The following RGS6 variants were observed in gnomAD, a reference collection of about 807,000 sequenced individuals.
RGS6 encodes the protein regulator of G-protein signaling 6.
Under a neutral mutation model 78.5 loss-of-function variants are expected in RGS6, and 30 were observed. The ratio of observed to expected loss-of-function variants is 0.38; its 90% CI spans 0.29 to 0.52. The LOEUF is 0.52. RGS6 is among the 20% of genes least tolerant of loss of function. The probability of loss-of-function intolerance (pLI) is 0.85; values close to 1 mark genes in which losing one functional copy is unlikely to be tolerated. For synonymous variants in RGS6, 206 were observed against 206.0 expected (o/e 1.00, Z 0.00); for missense variants, 495 against 609.7 (o/e 0.81, Z 1.98).
upstream of RGS6, among the ~76,000 whole-genome samples, chr14:71,931,040 TTTCCCTAGTTGC>T (rs2152921127): frequency 7.3e-6 from 1 of 137,458 alleles, no homozygotes; most frequent in Admixed American, 7.6e-5. Context: ...AAAGCGGAAG[TTTCCCTAGTTGC>T]TACCTTTCGC....
chr14:72,470,182 GT>G (rs1447920703), intron 8 of RGS6, 99 bp downstream of exon 8: 2 of 875,432 alleles, frequency 2.3e-6, no homozygotes, highest in Non-Finnish European at 3.8e-6. Flanking sequence ...TCCAGATGGC[GT>G]TAGTATTTCT....
chr14:72,552,792 C>T (rs938224995), intron 17 of RGS6: 2 of 152,126 alleles, frequency 1.3e-5, no homozygotes, highest in Admixed American at 6.5e-5. Context: ...CCTATAGTAC[C>T]GACAGAAACA....
chr14:72,229,451 G>A (rs1198966862), intron 2 of RGS6, among the ~76,000 whole-genome samples: 1 of 152,042 alleles, frequency 6.6e-6, no homozygotes, highest in Non-Finnish European at 1.5e-5. Flanking sequence ...CCCATTGTGG[G>A]CTGGTACTCC....
At chr14:71,909,048 T>A in the RGS6 span, among the ~76,000 whole-genome samples, 1 of 152,212 alleles carries the variant, frequency 6.6e-6, no homozygotes, top group African/African-American at 2.4e-5. Flanking sequence ...AGTTAATTAC[T>A]GTTAATGAGT....
chr14:72,112,206 C>T (rs931804518), intron 2 of RGS6, among the ~76,000 whole-genome samples: 2 of 152,196 alleles, frequency 1.3e-5, no homozygotes, highest in African/African-American at 4.8e-5. Flanking sequence ...GCAGCAGCAC[C>T]TCACCCTCTC....
intron 2 of RGS6, among the ~76,000 whole-genome samples, chr14:72,008,809 G>A (rs1195367010): frequency 1.3e-5 from 2 of 152,170 alleles, no homozygotes; most frequent in African/African-American, 4.8e-5. Flanking sequence ...GTAACCTCAT[G>A]AGATACTATG....
At chr14:72,049,691 T>G (rs1216678559) in intron 2 of RGS6, among the ~76,000 whole-genome samples, 1 of 152,182 alleles carries the variant, frequency 6.6e-6, no homozygotes, top group Non-Finnish European at 1.5e-5. Context: ...TAGTTGGAGC[T>G]TTGTCTCTGA....
At chr14:72,400,811 C>G (rs2092301795) in intron 3 of RGS6, among the ~76,000 whole-genome samples, 1 of 152,206 alleles carries the variant, frequency 6.6e-6, no homozygotes, top group Non-Finnish European at 1.5e-5. Context: ...ATCTCTGATC[C>G]TCCCTAGCAG....
chr14:72,477,640 G>GA (rs1020275753), intron 11 of RGS6, among the ~76,000 whole-genome samples: 1 of 151,608 alleles, frequency 6.6e-6, no homozygotes, highest in Non-Finnish European at 1.5e-5. Flanking sequence ...ACTAAAAATA[G>GA]AAAAAAGTTA....
intron 2 of RGS6, among the ~76,000 whole-genome samples, chr14:72,107,877 A>G (rs1288203317): frequency 6.6e-6 from 1 of 152,144 alleles, no homozygotes; most frequent in Admixed American, 6.5e-5. Flanking sequence ...TACCACCACC[A>G]ATTATGATTA....
the RGS6 span, among the ~76,000 whole-genome samples, chr14:72,610,973 T>G: frequency 6.6e-6 from 1 of 152,226 alleles, no homozygotes; most frequent in Non-Finnish European, 1.5e-5. Context: ...AACCCCTGCA[T>G]GCTTTTCAGG....
chr14:71,932,387 C>T (rs906359720), upstream of RGS6: 1 of 151,420 alleles, frequency 6.6e-6, no homozygotes, highest in African/African-American at 2.4e-5. Context: ...GCTCGGCATC[C>T]GACAGCGGGC....
At chr14:72,607,463 C>T in the RGS6 span, among the ~76,000 whole-genome samples, 4 of 152,202 alleles carry the variant, frequency 2.6e-5, no homozygotes, top group Non-Finnish European at 4.4e-5. Flanking sequence ...GGACTCTGCC[C>T]CCCATGACAT....
rs549083134 is a variant in RGS6 at position 72,219,033 on chromosome 14, TGCCTTTACTA to T, written c.85-133061_85-133052del. On this transcript the variant is annotated intron_variant, in intron 2 of 17. Transcript: ENST00000553525. ...CTATCAGGCACTTTACAGACTAAAG[TGCCTTTACTA>T]AAGTCTGTAAAGTGCATTATGGAGA... is the stretch of plus-strand genomic sequence containing the variant. Among the ~76,000 whole-genome samples the T allele has an allele frequency of 2.0e-5, 3 of 151,950 alleles. No homozygotes were observed. In the East Asian group the frequency reaches 6.0e-4, roughly 30 times the overall value.
At chr14:72,552,745 T>A (rs950409265) in intron 17 of RGS6, 4 of 152,234 alleles carry the variant, frequency 2.6e-5, no homozygotes, top group Admixed American at 1.3e-4. Flanking sequence ...TTGAAATTCC[T>A]TGATAAACCG....
intron 3 of RGS6, among the ~76,000 whole-genome samples, chr14:72,425,240 G>C (rs1227845637): frequency 2.6e-5 from 4 of 152,112 alleles, no homozygotes; most frequent in South Asian, 2.1e-4. Flanking sequence ...CCGAGTTCAG[G>C]CAATTCTCAT....
At chr14:72,139,993 A>G (rs1358034042) in intron 2 of RGS6, among the ~76,000 whole-genome samples, 1 of 152,134 alleles carries the variant, frequency 6.6e-6, no homozygotes, top group African/African-American at 2.4e-5. Flanking sequence ...TTAGTGTTGT[A>G]AATGCCACCA....
At chr14:72,436,253 C>A (rs11158955) in intron 3 of RGS6, among the ~76,000 whole-genome samples, 2 of 149,962 alleles carry the variant, frequency 1.3e-5, no homozygotes, top group African/African-American at 2.5e-5. Context: ...TAAGCTACTG[C>A]CATCTTATTT....
chr14:72,095,659 A>G (rs1363073820), intron 2 of RGS6, among the ~76,000 whole-genome samples: 1 of 152,222 alleles, frequency 6.6e-6, no homozygotes, highest in Admixed American at 6.5e-5. Flanking sequence ...TTCACAAGGA[A>G]CAGAGAGGGA....
Sources: gnomAD v4.1 joint callset for allele counts (sites outside exome capture counted in the v4.1 genomes callset) on GRCh38, gnomAD v4.1.1 for gene constraint, MANE v1.5 for transcripts, NCBI Gene and HGNC (gene_info 2026-07-23, HGNC 2026-07-21) for gene names.